The following TMEFF2 variants were observed in gnomAD, a reference collection of about 807,000 sequenced individuals.
TMEFF2 encodes the protein tomoregulin-2.
TMEFF2 carries 28 observed loss-of-function variants against 53.8 expected under a neutral mutation model. The ratio of observed to expected loss-of-function variants is 0.52; its 90% CI spans 0.39 to 0.71. TMEFF2 has a LOEUF of 0.71. Among genes scored for constraint, TMEFF2 ranks in the 30% least tolerant of loss-of-function variants. TMEFF2 has a pLI of 0.00. For synonymous variants in TMEFF2, 162 were observed against 166.3 expected, an observed-to-expected ratio of 0.97 and a Z score of 0.20; for missense variants, 353 against 455.2, an observed-to-expected ratio of 0.78 and a Z score of 2.04.
At chr2:192,018,447 T>G (rs1417931683) in intron 5 of TMEFF2, among the ~76,000 whole-genome samples, 2 of 152,196 alleles carry the variant, frequency 1.3e-5, no homozygotes, top group African/African-American at 4.8e-5. Context: ...TTTGCAAACA[T>G]TTTTCACTTA....
At chr2:192,073,065 G>A (rs1205651992) in intron 4 of TMEFF2, among the ~76,000 whole-genome samples, 1 of 151,906 alleles carries the variant, frequency 6.6e-6, no homozygotes, top group Non-Finnish European at 1.5e-5. Context: ...GCCTAAAAAG[G>A]GTTTCCAAAT....
At chr2:192,105,724 C>T (rs1410011280) in intron 4 of TMEFF2, among the ~76,000 whole-genome samples, 1 of 151,880 alleles carries the variant, frequency 6.6e-6, no homozygotes, top group African/African-American at 2.4e-5. Flanking sequence ...AATTCCAAAA[C>T]ATATATGCAG....
chr2:192,176,102 T>C (rs1429540640), intron 4 of TMEFF2, among the ~76,000 whole-genome samples: 2 of 151,382 alleles, frequency 1.3e-5, no homozygotes, highest in Non-Finnish European at 3.0e-5. Context: ...TTATCCCTCC[T>C]ACACACACCC....
In TMEFF2 at chr2:192,112,223, A is replaced by G. The variant is rs567230382; in HGVS notation, c.440-54448T>C. ...GGAAACGCTGCATACACTCAACACT[A>G]GGCCGTGAAAGCAGCCAAGAGGGAG... is the stretch of plus-strand genomic sequence containing the variant. On this transcript the variant is annotated intron_variant, in intron 4 of 9. Transcript: ENST00000272771. 1.3e-3 allele frequency among the ~76,000 whole-genome samples: 203 copies of G among 152,280 alleles called. 1 individual carries two copies. The highest frequency in any genetic ancestry group is 2.2e-3 in the Non-Finnish European group (151 of 68,018).
intron 4 of TMEFF2, among the ~76,000 whole-genome samples, chr2:192,158,834 A>G (rs1690568276): frequency 6.6e-6 from 1 of 152,116 alleles, no homozygotes; most frequent in Non-Finnish European, 1.5e-5. Flanking sequence ...TTAAAAAGAG[A>G]GCAAATCGGA....
At position 192,184,627 on chromosome 2, in the gene TMEFF2, G is replaced by A. The variant is rs75540210; in HGVS notation, c.283-144C>T. Reference sequence around the variant, plus strand: ...ATTGTGTCCAATAAGTCTTTATAAGGGCATCATTGAAAGATGCACAAAGCC... The same window carrying A: ...ATTGTGTCCAATAAGTCTTTATAAGAGCATCATTGAAAGATGCACAAAGCC... On this transcript the variant is annotated intron_variant, in intron 2 of 9. Transcript: ENST00000272771. 8,593 of 1,106,416 alleles carry A rather than the reference G, an allele frequency of 7.8e-3. 109 individuals carry two copies. Among genetic ancestry groups the A allele is most frequent in the East Asian group, 0.051 (1,878 of 36,480 alleles). 68.5% of individuals were successfully genotyped at this position (1,106,416 alleles called of 1,614,324 possible).
In TMEFF2 at chr2:192,040,684, C is replaced by A. The variant is rs79911749; in HGVS notation, c.536+16995G>T. ...CTGCTATGATAGATGATGTTAGAGC[C>A]CAAAGAAACCATAGAAACCTTATAG... On this transcript the variant is annotated intron_variant, in intron 5 of 9. Coordinates refer to ENST00000272771, the MANE Select transcript of TMEFF2 (RefSeq NM_016192.4). Among the ~76,000 whole-genome samples, 883 of 152,036 alleles carry A rather than the reference C, an allele frequency of 5.8e-3. 15 individuals are homozygous for A. Among genetic ancestry groups the A allele is most frequent in the African/African-American group, 0.02 (826 of 41,486 alleles).
At chr2:192,126,808 C>T (rs7562966) in intron 4 of TMEFF2, among the ~76,000 whole-genome samples, 151,533 of 152,316 alleles carry the variant, frequency 0.99, 75,382 homozygotes, top group Middle Eastern at 1. Context: ...TTCTTCACTA[C>T]GTGGAGTTGC....
At chr2:192,173,113 A>G (rs1159109685) in intron 4 of TMEFF2, among the ~76,000 whole-genome samples, 1 of 151,914 alleles carries the variant, frequency 6.6e-6, no homozygotes, top group Non-Finnish European at 1.5e-5. Flanking sequence ...GACTTATTGT[A>G]TATTTCAAAA....
At chr2:191,990,437 T>TGTGTGTGTGTGTGTGTG (rs1553510920) in intron 7 of TMEFF2, among the ~76,000 whole-genome samples, 1 of 2,656 alleles carries the variant, frequency 3.8e-4, no homozygotes, top group African/African-American at 6.7e-4. Flanking sequence ...GTGTGTGTGT[T>TGTGTGTGTGTGTGTGTG]GTTTTTGTTC....
chr2:192,184,383 A>G lies in TMEFF2; in HGVS notation c.383T>C (p.Leu128Pro). ...QAACKQQSEI[L>P]VVSEGSCATD... ...GGCACATGATCCTTCTGACACCACA[A>G]GTATCTCACTCTGCTGTTTGCATGC... The change falls in exon 3 of 10, where the codon CTT becomes CCT. Residue 128 changes from leucine to proline, a missense_variant. Leu to Pro is a moderately conservative substitution (Grantham distance 98). Transcript: ENST00000272771. 1.9e-6 allele frequency: 3 copies of G among 1,613,382 alleles called. No homozygotes were observed. The highest frequency in any genetic ancestry group is 1.1e-5 in the South Asian group (1 of 91,058).
intron 4 of TMEFF2, among the ~76,000 whole-genome samples, chr2:192,072,413 A>G (rs1224024436): frequency 6.6e-6 from 1 of 151,948 alleles, no homozygotes; most frequent in African/African-American, 2.4e-5. Context: ...TGGCTGATTC[A>G]GGGTATCCCC....
intron 4 of TMEFF2, among the ~76,000 whole-genome samples, chr2:192,077,834 C>T (rs1688468074): frequency 6.6e-6 from 1 of 151,856 alleles, no homozygotes; most frequent in African/African-American, 2.4e-5. Context: ...ATAAGCACAA[C>T]GTTCTGATTT....
At chr2:192,124,343 A>G (rs1334445989) in intron 4 of TMEFF2, among the ~76,000 whole-genome samples, 1 of 152,212 alleles carries the variant, frequency 6.6e-6, no homozygotes, top group Non-Finnish European at 1.5e-5. Context: ...ACTCTTTCTC[A>G]GCCCCCTGTC....
chr2:192,185,924 T>C (rs1164687618), intron 2 of TMEFF2, among the ~76,000 whole-genome samples: 1 of 152,140 alleles, frequency 6.6e-6, no homozygotes, highest in African/African-American at 2.4e-5. Flanking sequence ...ATCAACTTTT[T>C]TCCAAACAGT....
chr2:192,108,083 T>C (rs999462530), intron 4 of TMEFF2, among the ~76,000 whole-genome samples: 4 of 151,814 alleles, frequency 2.6e-5, no homozygotes, highest in Non-Finnish European at 5.9e-5. Context: ...GTTCGTTATA[T>C]GTGATCAATT....
chr2:192,097,008 C>T (rs912024877), intron 4 of TMEFF2, among the ~76,000 whole-genome samples: 1 of 152,054 alleles, frequency 6.6e-6, no homozygotes, highest in Non-Finnish European at 1.5e-5. Flanking sequence ...ATTTAATGTG[C>T]TAAATATAGT....
At chr2:192,106,622 G>C (rs1689155679) in intron 4 of TMEFF2, among the ~76,000 whole-genome samples, 1 of 151,654 alleles carries the variant, frequency 6.6e-6, no homozygotes, top group South Asian at 2.1e-4. Context: ...ATCTATGCTT[G>C]AAAATGTAAA....
At chr2:192,135,918 CT>C in intron 4 of TMEFF2, among the ~76,000 whole-genome samples, 1 of 151,984 alleles carries the variant, frequency 6.6e-6, no homozygotes, top group Admixed American at 6.6e-5. Context: ...ACCCCCGCCC[CT>C]GCCCACCAGA....
Sources: gnomAD v4.1 joint callset for allele counts (sites outside exome capture counted in the v4.1 genomes callset) on GRCh38, gnomAD v4.1.1 for gene constraint, MANE v1.5 for transcripts, NCBI Gene and HGNC (gene_info 2026-07-23, HGNC 2026-07-21) for gene names.